Variants in THSD7B observed in about 807,000 individuals in gnomAD.
THSD7B encodes thrombospondin type-1 domain-containing protein 7B.
In THSD7B, 138 loss-of-function variants were observed where a neutral mutation model predicts 213.6. The observed-to-expected ratio is 0.65, with a 90% CI of 0.56 to 0.74. The LOEUF (loss-of-function observed/expected upper bound fraction) is 0.74. Ranked by LOEUF, THSD7B falls within the 30% of genes least tolerant of loss-of-function variation. THSD7B has a pLI of 0.00. For synonymous variants in THSD7B, 742 were observed against 687.0 expected (o/e 1.08, Z -1.25); for missense variants, 1,931 against 1,991.5 (o/e 0.97, Z 0.58).
intron 2 of THSD7B, among the ~76,000 whole-genome samples, chr2:136,949,301 G>A (rs1684994871): frequency 6.6e-6 from 1 of 152,180 alleles, no homozygotes; most frequent in African/African-American, 2.4e-5. Flanking sequence ...GAGCAACTGT[G>A]TGATTCTCTA....
In THSD7B at chr2:137,079,290, T is replaced by G. The variant is rs186058239; in HGVS notation, c.951-15583T>G. 8.5e-5 allele frequency among the ~76,000 whole-genome samples: 13 copies of G among 152,304 alleles called. No individual in the cohort carries two copies. In the East Asian group the frequency reaches 2.1e-3, roughly 25 times the overall value. On this transcript the variant is annotated intron_variant, in intron 3 of 27. Transcript: ENST00000409968. ...AGTTTTTTTATAATCTTTACTATTT[T>G]TCTTCAGTTGGCCTATTTTGTACCA...
At chr2:136,906,715 G>T (rs1013950359) in intron 2 of THSD7B, 1 of 152,046 alleles carries the variant, frequency 6.6e-6, no homozygotes, top group Admixed American at 6.6e-5. Context: ...GGAAGAGGAA[G>T]AAGTATGACA....
chr2:137,532,468 C>T (rs933741130), intron 15 of THSD7B, among the ~76,000 whole-genome samples: 1 of 151,734 alleles, frequency 6.6e-6, no homozygotes, highest in African/African-American at 2.4e-5. Flanking sequence ...TAAATTCCTA[C>T]AAAACAAATT....
At chr2:137,640,116 G>A (rs923307222) in intron 20 of THSD7B, among the ~76,000 whole-genome samples, 1 of 152,154 alleles carries the variant, frequency 6.6e-6, no homozygotes, top group African/African-American at 2.4e-5. Context: ...AACTTGAATT[G>A]TATCTCCAGA....
rs78929176 is a variant in THSD7B at position 136,964,563 on chromosome 2, A to T, written c.139+82246A>T. Among the ~76,000 whole-genome samples, 148 of 152,166 alleles carry T rather than the reference A, an allele frequency of 9.7e-4. 1 individual carries two copies. The East Asian group carries it at 0.019, about 19-fold the overall frequency. On this transcript the variant is annotated intron_variant, in intron 2 of 27. Transcript: ENST00000409968. ...ATTAACTACCCTCTTTTTTTGCGTTATCAACACATTTTCTCCCTACTTAAA... is the reference window on the plus strand; with the variant it reads ...ATTAACTACCCTCTTTTTTTGCGTTTTCAACACATTTTCTCCCTACTTAAA...
intron 15 of THSD7B, among the ~76,000 whole-genome samples, chr2:137,519,880 T>A (rs1558825308): frequency 6.6e-6 from 1 of 152,186 alleles, no homozygotes; most frequent in African/African-American, 2.4e-5. Context: ...ACTGGGGCTT[T>A]AAAAGGAAAC....
intron 2 of THSD7B, among the ~76,000 whole-genome samples, chr2:136,907,931 G>A (rs1392781643): frequency 6.6e-6 from 1 of 152,142 alleles, no homozygotes; most frequent in Non-Finnish European, 1.5e-5. Context: ...ACTAATAGAG[G>A]AAATTTGGCA....
chr2:137,151,636 ACT>A (rs1338730219), intron 5 of THSD7B, among the ~76,000 whole-genome samples: 1 of 152,170 alleles, frequency 6.6e-6, no homozygotes, highest in Non-Finnish European at 1.5e-5. Flanking sequence ...GAAGGAGTAC[ACT>A]CTAACAATAA....
intron 4 of THSD7B, among the ~76,000 whole-genome samples, chr2:137,112,483 C>T (rs896891360): frequency 1.3e-5 from 2 of 152,074 alleles, no homozygotes; most frequent in Non-Finnish European, 2.9e-5. Context: ...ACTTTATATA[C>T]AGATATAGTC....
intron 2 of THSD7B, among the ~76,000 whole-genome samples, chr2:136,956,509 T>A (rs1479850534): frequency 6.6e-6 from 1 of 151,336 alleles, no homozygotes; most frequent in East Asian, 1.9e-4. Flanking sequence ...TATTTTTTAT[T>A]TTTTTTTAGT....
At chr2:137,180,509 G>A (rs1680434583) in intron 7 of THSD7B, among the ~76,000 whole-genome samples, 1 of 151,968 alleles carries the variant, frequency 6.6e-6, no homozygotes, top group Admixed American at 6.6e-5. Context: ...TTTATTCTTG[G>A]CATGATACCA....
At chr2:137,194,000 G>A (rs1680710421) in intron 7 of THSD7B, among the ~76,000 whole-genome samples, 1 of 151,946 alleles carries the variant, frequency 6.6e-6, no homozygotes, top group Admixed American at 6.6e-5. Flanking sequence ...CACCCAACAG[G>A]GTTCTTGTAA....
intron 1 of THSD7B, among the ~76,000 whole-genome samples, chr2:136,836,361 GC>G (rs1352910150): frequency 6.6e-6 from 1 of 152,108 alleles, no homozygotes; most frequent in Non-Finnish European, 1.5e-5. Context: ...AGAAGAGAGA[GC>G]CTTTTTTCAT....
intron 4 of THSD7B, among the ~76,000 whole-genome samples, chr2:137,097,975 G>A (rs183298067): frequency 4.6e-4 from 70 of 152,274 alleles, no homozygotes; most frequent in African/African-American, 1.5e-3. Flanking sequence ...ATTCTAATTT[G>A]TCTGAAATCT....
At chr2:136,990,149 C>T (rs371690739) in intron 2 of THSD7B, among the ~76,000 whole-genome samples, 64 of 152,306 alleles carry the variant, frequency 4.2e-4, no homozygotes, top group African/African-American at 1.4e-3. Flanking sequence ...GGGAAATCAG[C>T]GACATTTCTG....
intron 15 of THSD7B, among the ~76,000 whole-genome samples, chr2:137,521,853 G>A (rs977564098): frequency 1.3e-5 from 2 of 151,978 alleles, no homozygotes; most frequent in African/African-American, 4.8e-5. Context: ...TAACAGGGCA[G>A]ACTGTGCTGG....
chr2:137,527,287 G>A lies in THSD7B; in HGVS notation c.3139-35934G>A, dbSNP rs1047413344. Among the ~76,000 whole-genome samples the A allele has an allele frequency of 3.9e-5, 6 of 152,190 alleles. No individual in the cohort carries two copies. The East Asian group carries it at 5.8e-4, about 15-fold the overall frequency. On this transcript the variant is annotated intron_variant, in intron 15 of 27. Coordinates refer to ENST00000409968, the MANE Select transcript of THSD7B (RefSeq NM_001316349.2). Reference sequence around the variant, plus strand: ...AAAATTGCCTTGTAGAAATTGGGGTGCGTGTGTGTATATGTACATATGTGT... The same window carrying A: ...AAAATTGCCTTGTAGAAATTGGGGTACGTGTGTGTATATGTACATATGTGT...
chr2:137,652,101 T>C (rs1463598330), intron 21 of THSD7B, among the ~76,000 whole-genome samples: 1 of 152,112 alleles, frequency 6.6e-6, no homozygotes, highest in Non-Finnish European at 1.5e-5. Flanking sequence ...CTAGTGTTTC[T>C]TTGTTGATTA....
intron 14 of THSD7B, among the ~76,000 whole-genome samples, chr2:137,419,095 A>G (rs182515766): frequency 1.3e-5 from 2 of 151,898 alleles, no homozygotes; most frequent in Non-Finnish European, 2.9e-5. Context: ...TTTACTGGAG[A>G]TGGGTTTTCA....
Sources: gnomAD v4.1 joint callset for allele counts (sites outside exome capture counted in the v4.1 genomes callset) on GRCh38, gnomAD v4.1.1 for gene constraint, MANE v1.5 for transcripts, NCBI Gene and HGNC (gene_info 2026-07-23, HGNC 2026-07-21) for gene names.